The following OBSL1 variants were observed in gnomAD, a reference collection of about 807,000 sequenced individuals.
OBSL1 encodes the protein obscurin like cytoskeletal adaptor 1, also known as obscurin-like protein 1.
A neutral mutation model predicts 172.0 loss-of-function variants in OBSL1; 160 were observed. That is an observed-to-expected ratio of 0.93 (90% CI 0.82 to 1.06). OBSL1 has a LOEUF of 1.06. Ranked by LOEUF, OBSL1 falls within the 50% of genes least tolerant of loss-of-function variation. The pLI is 0.00. For synonymous variants in OBSL1, 1,200 were observed against 1,196.3 expected (o/e 1.00, Z -0.06); for missense variants, 2,681 against 2,715.4 (o/e 0.99, Z 0.28).
At chr2:219,556,909 A>C in intron 12 of OBSL1, 186 bp from the exon 13 acceptor site, 1 of 644,028 alleles carries the variant, frequency 1.6e-6, no homozygotes, top group East Asian at 2.8e-5. Context: ...CCTTTTAGTC[A>C]GTTCCTCATA....
rs1436381803 is a variant in OBSL1 at position 219,556,660 on chromosome 2, GCAT to G, written c.4127_4129del (p.Asp1376del). ...TGGGGAGACTTCACACCGGAACGTG[GCAT>G]CATCGCCCTCGTGGACAGTGAGTGG... On this transcript the variant is annotated inframe_deletion, in exon 13 of 21. Coordinates refer to ENST00000404537, the MANE Select transcript of OBSL1 (RefSeq NM_015311.3). The G allele has an allele frequency of 3.1e-6, 5 of 1,612,566 alleles. No individual in the cohort carries two copies. The highest frequency in any genetic ancestry group is 4.2e-6 in the Non-Finnish European group (5 of 1,178,830).
rs4672931 is a variant in OBSL1 at position 219,551,848 on chromosome 2, C to T, written c.5414-50G>A. On this transcript the variant is annotated intron_variant, in intron 19 of 20. Transcript: ENST00000404537. The stretch of plus-strand genomic sequence containing the variant: ...AGTTAATAGGGACACGCATGGCCCC[C>T]AGGAGGAGAGATGCATCTTCCCTCC... 0.98 allele frequency: 1,218,756 copies of T among 1,242,844 alleles called. 599,169 individuals carry two copies. The highest frequency in any genetic ancestry group is 1 in the East Asian group (42,647 of 42,650). 77.0% of individuals were successfully genotyped at this position (1,242,844 alleles called of 1,614,324 possible).
In OBSL1 at chr2:219,570,352, A is replaced by G; in HGVS notation, c.881T>C (p.Met294Thr). ...RPLLPDRRRL[M>T]YRDRDGGFVL... ...GAAGCCGCCGTCGCGGTCGCGGTACATGAGGCGGCGGCGGTCCGGGAGCAG... is the reference window on the plus strand; with the variant it reads ...GAAGCCGCCGTCGCGGTCGCGGTACGTGAGGCGGCGGCGGTCCGGGAGCAG... Residue 294 changes from methionine (M) to threonine (T), a missense_variant, in exon 1 of 21, where the codon ATG becomes ACG. Physicochemically the swap from Met to Thr is moderately conservative, Grantham distance 81 (BLOSUM62 -1). This residue lies in a region of OBSL1 where 706 missense variants were observed against 695.8 expected (regional missense o/e 1.01). Coordinates refer to ENST00000404537, the MANE Select transcript of OBSL1 (RefSeq NM_015311.3). The G allele has an allele frequency of 1.2e-6, 2 of 1,612,906 alleles. No individual in the cohort carries two copies. The highest frequency in any genetic ancestry group is 1.7e-6 in the Non-Finnish European group (2 of 1,179,518).
Position 219,556,153 on chromosome 2 carries a change from G to T in OBSL1, c.4476C>A (p.His1492Gln), listed in dbSNP as rs753077363. 23 of 1,613,634 alleles carry T rather than the reference G, an allele frequency of 1.4e-5. No homozygotes were observed. Among genetic ancestry groups the T allele is most frequent in the African/African-American group, 2.7e-5 (2 of 74,940 alleles). ...RWVRGGQPLP[H>Q]DSRLSMAQDG... is the part of the protein sequence containing the mutation. Reference sequence around the variant, plus strand: ...CCTGGGCCATGGACAGGCGAGAGTCGTGGGGCAGGGGCTGCCCACCTCGCA... The same window carrying T: ...CCTGGGCCATGGACAGGCGAGAGTCTTGGGGCAGGGGCTGCCCACCTCGCA... The change falls in exon 14 of 21, where the codon CAC becomes CAA. Residue 1492 changes from histidine (H) to glutamine (Q), a missense_variant. Transcript: ENST00000404537.
chr2:219,547,829 A>G (rs1225992943), downstream of OBSL1: 3 of 1,589,012 alleles, frequency 1.9e-6, no homozygotes, highest in Middle Eastern at 1.8e-4. Flanking sequence ...TGCCCTGCTC[A>G]CTCTGCGCTG....
chr2:219,551,248 G>A, intron 20 of OBSL1: 1 of 1,398,268 alleles, frequency 7.2e-7, no homozygotes, highest in Middle Eastern at 2.7e-4. Flanking sequence ...CTGTTCAAGA[G>A]AGACAAACAT....
chr2:219,553,013 C>T lies in OBSL1; in HGVS notation c.5001G>A (p.Ala1667=). 1.3e-6 allele frequency: 2 copies of T among 1,514,590 alleles called. No homozygotes were observed. Among genetic ancestry groups the T allele is most frequent in the Non-Finnish European group, 1.8e-6 (2 of 1,137,388 alleles). The allele number at this position is 1,514,590 out of a possible 1,614,324, so 93.8% of individuals were successfully genotyped here. A position where few individuals can be genotyped will look rare whatever the true frequency, so the allele number is the denominator to read the frequency against. The change falls in exon 17 of 21, where the codon GCG becomes GCA. Residue 1667 remains alanine (A), a synonymous_variant. Transcript: ENST00000404537. ...GCCGGAGCCGCGGGCTAGGCGTAAG[C>T]GCGTTCCCGTCCTAGGGGCGGGAGT... ...ADVTWEKDGN[A]LTPSPRLRLQ...
rs200697467 is a variant in OBSL1, at chr2:219,558,147, C to T, written c.3502+37G>A. On this transcript the variant is annotated intron_variant, in intron 10 of 20. Coordinates refer to ENST00000404537, the MANE Select transcript of OBSL1 (RefSeq NM_015311.3). ...AGGAAGGTGTCATCCCATGCTTGCC[C>T]TTGCCTCCCTGCCCTGGGTTGGCCA... 168 of 1,610,828 alleles carry T rather than the reference C, an allele frequency of 1.0e-4. No individual in the cohort carries two copies. In the African/African-American group the frequency reaches 1.9e-3, roughly 18 times the overall value.
rs1696140397 is a variant in OBSL1, at chr2:219,557,803, A to G, written c.3790+20T>C. 1.3e-6 allele frequency: 2 copies of G among 1,580,072 alleles called. No homozygotes were observed. The highest frequency in any genetic ancestry group is 3.7e-5 in the Admixed American group (2 of 53,558). Reference sequence around the variant, plus strand: ...CAGGCTTGGTGCCACTCTCAGGCTTAATGCCCAGGCTGTACTCACCAGCCA... The same window carrying G: ...CAGGCTTGGTGCCACTCTCAGGCTTGATGCCCAGGCTGTACTCACCAGCCA... On this transcript the variant is annotated intron_variant, in intron 11 of 20. Coordinates refer to ENST00000404537, the MANE Select transcript of OBSL1 (RefSeq NM_015311.3).
chr2:219,549,116 G>A (rs200047338), downstream of OBSL1: 144 of 1,611,664 alleles, frequency 8.9e-5, 1 homozygote, highest in South Asian at 2.0e-4. Flanking sequence ...AAGGCGCACC[G>A]TCCTCTGAGC....
chr2:219,560,768 A>C (rs1172073658), intron 8 of OBSL1, among the ~76,000 whole-genome samples: 1 of 152,198 alleles, frequency 6.6e-6, no homozygotes, highest in African/African-American at 2.4e-5. Context: ...TGGGGGATGC[A>C]GGCTGGTCCT....
rs1319132565 is a variant in OBSL1 at position 219,556,379 on chromosome 2, A to T, written c.4336+75T>A. The stretch of plus-strand genomic sequence containing the variant: ...CCCACTGGTCTGTCCCTAGGTGGAG[A>T]GGCAAGGCTGCTGGAATCCTGGTTG... On this transcript the variant is annotated intron_variant, in intron 13 of 20. Transcript: ENST00000404537. 8.2e-6 allele frequency: 13 copies of T among 1,588,276 alleles called. No individual in the cohort carries two copies. The East Asian group carries it at 2.9e-4, about 36-fold the overall frequency.
At chr2:219,555,048 G>A in intron 14 of OBSL1, 1 of 412,060 alleles carries the variant, frequency 2.4e-6, no homozygotes. Flanking sequence ...AGACACACTA[G>A]GAATGGAACC....
At chr2:219,555,686 A>G in intron 14 of OBSL1, 1 of 1,129,958 alleles carries the variant, frequency 8.8e-7, no homozygotes, top group East Asian at 5.0e-5. Flanking sequence ...GTGCTGTTTG[A>G]CAGCCATCCC....
rs373574206 is a variant in OBSL1 at position 219,562,457 on chromosome 2, G to C, written c.2898C>G (p.Gly966=). 5.6e-6 allele frequency: 9 copies of C among 1,613,834 alleles called. No individual in the cohort carries two copies. Among genetic ancestry groups the C allele is most frequent in the Non-Finnish European group, 7.6e-6 (9 of 1,179,892 alleles). Residue 966 remains glycine (G), a synonymous_variant, in exon 8 of 21, where the codon GGC becomes GGG. Coordinates refer to ENST00000404537, the MANE Select transcript of OBSL1 (RefSeq NM_015311.3). ...VLPAVQLEDS[G]EYLCEIDDES... is the part of the protein sequence containing the mutation. ...CATCGTCAATTTCACACAAGTACTC[G>C]CCGGAGTCCTCGAGCTGGACAGCGG...
At position 219,554,538 on chromosome 2, in the gene OBSL1, G is replaced by A. The variant is rs564855597; in HGVS notation, c.4812C>T (p.Ala1604=). 18 of 1,613,438 alleles carry A rather than the reference G, an allele frequency of 1.1e-5. No individual in the cohort carries two copies. Among genetic ancestry groups the A allele is most frequent in the Middle Eastern group, 1.7e-4 (1 of 6,060 alleles). The change falls in exon 15 of 21, where the codon GCC becomes GCT. Residue 1604 remains alanine (A), a synonymous_variant. Coordinates refer to ENST00000404537, the MANE Select transcript of OBSL1 (RefSeq NM_015311.3). ...CTGTGAAGGAGACACAGCCTGAGTC[G>A]GCCAGGCCCAGGCCATTGAGTACCA... ...HRLVLNGLGL[A]DSGCVSFTAD...
downstream of OBSL1, chr2:219,548,074 C>A: frequency 6.4e-7 from 1 of 1,554,502 alleles, no homozygotes; most frequent in Non-Finnish European, 8.7e-7. Flanking sequence ...GGGACTCCCA[C>A]ACGGAAGGTA....
In OBSL1 at chr2:219,554,584, G is replaced by A. The variant is rs765704645; in HGVS notation, c.4766C>T (p.Ser1589Leu). ...LYPGPKCHIH[S>L]DGHRHRLVLN... ...TACCAGTCGGTGACGGTGGCCGTCCGAGTGGATGTGACACTTGGGTCCTGG... is the reference window on the plus strand; with the variant it reads ...TACCAGTCGGTGACGGTGGCCGTCCAAGTGGATGTGACACTTGGGTCCTGG... Residue 1589 changes from serine to leucine, a missense_variant, in exon 15 of 21, where the codon TCG becomes TTG. Physicochemically the swap from Ser to Leu is moderately radical, Grantham distance 145. This residue lies in a region of OBSL1 where 1,765 missense variants were observed against 1,748.3 expected (regional missense o/e 1.01). Transcript: ENST00000404537. 2.2e-5 allele frequency: 36 copies of A among 1,613,186 alleles called. 1 individual carries two copies. The East Asian group carries it at 3.6e-4, about 16-fold the overall frequency.
chr2:219,551,353 C>A, intron 20 of OBSL1, 176 bp downstream of exon 20: 2 of 1,398,138 alleles, frequency 1.4e-6, no homozygotes, highest in Non-Finnish European at 1.9e-6. Flanking sequence ...CCAAGCAGTT[C>A]CAGGGCTTTC....
Sources: gnomAD v4.1 joint callset for allele counts (sites outside exome capture counted in the v4.1 genomes callset) on GRCh38, gnomAD v4.1.1 for gene constraint, gnomAD v4.1.1 regional missense constraint, MANE v1.5 for transcripts, NCBI Gene and HGNC (gene_info 2026-07-23, HGNC 2026-07-21) for gene names.